Variants in HOXD11 observed in about 807,000 individuals in gnomAD.
The protein encoded by HOXD11 is homeobox protein Hox-D11.
Under a neutral mutation model 23.1 loss-of-function variants are expected in HOXD11, and 16 were observed. The ratio of observed to expected loss-of-function variants is 0.69; its 90% confidence interval spans 0.47 to 1.05. HOXD11 has a LOEUF of 1.05. Among genes scored for constraint, HOXD11 ranks in the 50% least tolerant of loss-of-function variants. The probability of loss-of-function intolerance (pLI) is 0.00; values close to 1 mark genes in which losing one functional copy is unlikely to be tolerated. For synonymous variants in HOXD11, 262 were observed against 224.4 expected (o/e 1.17, Z -1.50); for missense variants, 564 against 495.6 (o/e 1.14, Z -1.31).
intron 1 of HOXD11, chr2:176,108,666 T>TGTGTGG: frequency 2.0e-6 from 1 of 509,548 alleles, no homozygotes. Context: ...GCTCTGTGTG[T>TGTGTGG]GTGTGTGTGT....
Position 176,107,774 on chromosome 2 carries a change from T to C in HOXD11, c.419T>C (p.Leu140Pro). The change falls in exon 1 of 2, where the codon CTC (leucine) becomes CCC (proline). Residue 140 changes from leucine to proline, a missense_variant. Physicochemically the swap from Leu to Pro is moderately conservative, Grantham distance 98 (BLOSUM62 -3). Transcript: ENST00000249504. ...LPPAGRRPDVLFKAPEPVCAA... is the reference protein window; with the variant it reads ...LPPAGRRPDVPFKAPEPVCAA... ...CCCGCGGGCCGCCGGCCGGACGTGCTCTTCAAGGCGCCTGAGCCGGTGTGC... is the reference window on the plus strand; with the variant it reads ...CCCGCGGGCCGCCGGCCGGACGTGCCCTTCAAGGCGCCTGAGCCGGTGTGC... 2.3e-6 allele frequency: 3 copies of C among 1,279,202 alleles called. No individual in the cohort carries two copies. The highest frequency in any genetic ancestry group is 3.0e-6 in the Non-Finnish European group (3 of 1,015,350). The allele number at this position is 1,279,202 out of a possible 1,614,324, so 79.2% of individuals were successfully genotyped here. A position where few individuals can be genotyped will look rare whatever the true frequency, so the allele number is the denominator to read the frequency against.
chr2:176,112,013 T>C (rs1182592961), downstream of HOXD11, among the ~76,000 whole-genome samples: 2 of 151,160 alleles, frequency 1.3e-5, no homozygotes, highest in Non-Finnish European at 2.9e-5. Flanking sequence ...GTGCCTGGAG[T>C]GCGCGGCTAC....
downstream of HOXD11, chr2:176,111,596 C>T (rs749700124): frequency 6.6e-6 from 1 of 151,156 alleles, no homozygotes; most frequent in Admixed American, 6.6e-5. Context: ...CAACTAGATT[C>T]ACGAAACAGC....
In HOXD11 at chr2:176,107,443, A is replaced by G. The variant is rs971204280; in HGVS notation, c.88A>G (p.Ser30Gly). ...AYYVAPSDFA[S>G]KPSFLSQPSS... Reference sequence around the variant, plus strand: ...CTATGTGGCCCCGTCTGACTTCGCTAGCAAGCCTTCGTTCCTTTCCCAACC... The same window carrying G: ...CTATGTGGCCCCGTCTGACTTCGCTGGCAAGCCTTCGTTCCTTTCCCAACC... Residue 30 changes from serine (S) to glycine (G), a missense_variant, in exon 1 of 2, where the codon AGC becomes GGC. Ser to Gly is a moderately conservative substitution (Grantham distance 56). Transcript: ENST00000249504. 1.2e-6 allele frequency: 2 copies of G among 1,613,822 alleles called. No homozygotes were observed. Among genetic ancestry groups the G allele is most frequent in the African/African-American group, 1.3e-5 (1 of 74,914 alleles).
chr2:176,111,036 A>G (rs1689665809), downstream of HOXD11, among the ~76,000 whole-genome samples: 1 of 152,214 alleles, frequency 6.6e-6, no homozygotes, highest in Non-Finnish European at 1.5e-5. Context: ...TTACACCTTC[A>G]TTAAATTTGA....
At chr2:176,108,657 C>CGCTGTGTGTG in intron 1 of HOXD11, 1 of 263,250 alleles carries the variant, frequency 3.8e-6, no homozygotes. Flanking sequence ...CCGTGCCAGG[C>CGCTGTGTGTG]TCTGTGTGTG....
downstream of HOXD11, among the ~76,000 whole-genome samples, chr2:176,113,002 T>C (rs1574951264): frequency 6.6e-6 from 1 of 152,172 alleles, no homozygotes; most frequent in Admixed American, 6.5e-5. Flanking sequence ...ATGCGCGAAG[T>C]AGGAGTCTTT....
At chr2:176,109,823 T>C (rs1242556747), downstream of HOXD11, 1 of 165,694 alleles carries the variant, frequency 6.0e-6, no homozygotes, top group Non-Finnish European at 1.3e-5. Context: ...ATCATGTTAG[T>C]GATGAATTTC....
downstream of HOXD11, among the ~76,000 whole-genome samples, chr2:176,110,025 T>A (rs1318695774): frequency 6.6e-6 from 1 of 151,492 alleles, no homozygotes; most frequent in Non-Finnish European, 1.5e-5. Context: ...TAACAAGGAG[T>A]CACAGTCCCT....
In HOXD11 at chr2:176,107,437, T is replaced by G; in HGVS notation, c.82T>G (p.Phe28Val). ...CGCCTACTATGTGGCCCCGTCTGAC[T>G]TCGCTAGCAAGCCTTCGTTCCTTTC... ...GCAYYVAPSD[F>V]ASKPSFLSQP... The change falls in exon 1 of 2, where the codon TTC becomes GTC. Residue 28 changes from phenylalanine to valine, a missense_variant. Phe to Val is a conservative substitution (Grantham distance 50, BLOSUM62 -1). Coordinates refer to ENST00000249504, the MANE Select transcript of HOXD11 (RefSeq NM_021192.3). The G allele has an allele frequency of 6.2e-7, 1 of 1,613,930 alleles. No individual in the cohort carries two copies. The highest frequency in any genetic ancestry group is 1.3e-5 in the African/African-American group (1 of 75,044).
At chr2:176,110,977 A>T (rs1689664859), downstream of HOXD11, among the ~76,000 whole-genome samples, 2 of 152,306 alleles carry the variant, frequency 1.3e-5, no homozygotes, top group South Asian at 4.1e-4. Flanking sequence ...TTTAATGAAG[A>T]ACTACAGTTT....
downstream of HOXD11, among the ~76,000 whole-genome samples, chr2:176,114,054 T>C (rs1689714552): frequency 6.6e-6 from 1 of 152,244 alleles, no homozygotes; most frequent in Non-Finnish European, 1.5e-5. Context: ...GTCTTGCCTT[T>C]CTTAGGGTAG....
chr2:176,114,534 G>GT (rs1489211530), downstream of HOXD11, among the ~76,000 whole-genome samples: 1 of 152,150 alleles, frequency 6.6e-6, no homozygotes, highest in Non-Finnish European at 1.5e-5. Flanking sequence ...CCACCGCGGA[G>GT]TTTTTTAAAA....
Position 176,109,047 on chromosome 2 carries a change from C to A in HOXD11, c.922C>A (p.Arg308=), listed in dbSNP as rs766029301. 3.1e-6 allele frequency: 5 copies of A among 1,613,882 alleles called. No individual in the cohort carries two copies. The highest frequency in any genetic ancestry group is 8.5e-7 in the Non-Finnish European group (1 of 1,179,862). ...CTCTCGGATGCTCAACCTCACTGAC[C>A]GGCAAGTCAAAATCTGGTTCCAGAA... ...QLSRMLNLTD[R]QVKIWFQNRR... Residue 308 remains arginine (R), a synonymous_variant, in exon 2 of 2, where the codon CGG becomes AGG. Transcript: ENST00000249504.
chr2:176,113,224 G>A (rs556245554), downstream of HOXD11, among the ~76,000 whole-genome samples: 112 of 152,282 alleles, frequency 7.4e-4, 1 homozygote, highest in Middle Eastern at 0.02. Context: ...ACACAGCCCA[G>A]AGGTGGCTCA....
downstream of HOXD11, among the ~76,000 whole-genome samples, chr2:176,113,388 A>G (rs1233843486): frequency 2.0e-5 from 3 of 152,232 alleles, no homozygotes; most frequent in African/African-American, 7.2e-5. Flanking sequence ...TTTTCCCTGG[A>G]AAGAACTGTG....
chr2:176,108,015 C>T lies in HOXD11; in HGVS notation c.660C>T (p.Gly220=), dbSNP rs763112140. 4 of 1,487,424 alleles carry T rather than the reference C, an allele frequency of 2.7e-6. No individual in the cohort carries two copies. The African/African-American group carries it at 4.4e-5, about 16-fold the overall frequency. The allele number at this position is 1,487,424 out of a possible 1,614,324, so 92.1% of individuals were successfully genotyped here. A position where few individuals can be genotyped will look rare whatever the true frequency, so the allele number is the denominator to read the frequency against. ...ACCCCAGGACCGGGGCTGGTGGCGG[C>T]GGGGGCAGTCCCTGCACCAAGGCGA... ...KGDPRTGAGG[G]GGSPCTKATP... Residue 220 remains glycine (G), a synonymous_variant, in exon 1 of 2, where the codon GGC becomes GGT. Transcript: ENST00000249504.
intron 1 of HOXD11, among the ~76,000 whole-genome samples, chr2:176,108,357 T>A (rs1689619157): frequency 6.6e-6 from 1 of 151,072 alleles, no homozygotes; most frequent in Non-Finnish European, 1.5e-5. Flanking sequence ...CATTAATAGC[T>A]GTCGAGAGCC....
In HOXD11 at chr2:176,109,047, C is replaced by G; in HGVS notation, c.922C>G (p.Arg308Gly). ...CTCTCGGATGCTCAACCTCACTGAC[C>G]GGCAAGTCAAAATCTGGTTCCAGAA... The part of the protein sequence containing the change: ...QLSRMLNLTD[R>G]QVKIWFQNRR... Residue 308 changes from arginine (R) to glycine (G), a missense_variant, in exon 2 of 2, where the codon CGG becomes GGG. By Grantham distance (125) the Arg-to-Gly change is moderately radical. Coordinates refer to ENST00000249504, the MANE Select transcript of HOXD11 (RefSeq NM_021192.3). 6.2e-7 allele frequency: 1 copy of G among 1,614,000 alleles called. No homozygotes were observed. The highest frequency in any genetic ancestry group is 1.1e-5 in the South Asian group (1 of 91,078).
Sources: gnomAD v4.1 joint callset for allele counts (sites outside exome capture counted in the v4.1 genomes callset) on GRCh38, gnomAD v4.1.1 for gene constraint, MANE v1.5 for transcripts, NCBI Gene and HGNC (gene_info 2026-07-23, HGNC 2026-07-21) for gene names.